Variants in HTR4 observed in about 807,000 individuals in gnomAD.
HTR4 encodes 5-hydroxytryptamine (serotonin) receptor 4, G protein-coupled.
HTR4 carries 16 observed loss-of-function variants against 36.8 expected under a neutral mutation model. The observed-to-expected ratio is 0.43, with a 90% CI of 0.29 to 0.66. HTR4 has a LOEUF of 0.66. Ranked by LOEUF, HTR4 falls within the 30% of genes least tolerant of loss-of-function variation. The pLI is 0.13. For synonymous variants in HTR4, 189 were observed against 185.1 expected, an observed-to-expected ratio of 1.02 and a Z score of -0.17; for missense variants, 438 against 490.9, an observed-to-expected ratio of 0.89 and a Z score of 1.02.
At chr5:148,526,136 G>A (rs1243178650) in intron 4 of HTR4, among the ~76,000 whole-genome samples, 1 of 152,148 alleles carries the variant, frequency 6.6e-6, no homozygotes, top group Non-Finnish European at 1.5e-5. Context: ...TTAGAGCAGT[G>A]AGACAACAAG....
intron 5 of HTR4, among the ~76,000 whole-genome samples, chr5:148,470,414 C>T (rs550661012): frequency 6.6e-6 from 1 of 152,302 alleles, no homozygotes; most frequent in African/African-American, 2.4e-5. Context: ...CAAATGCAGG[C>T]ATTCTGACTA....
chr5:148,586,384 T>C (rs1284987174), intron 2 of HTR4, among the ~76,000 whole-genome samples: 1 of 151,990 alleles, frequency 6.6e-6, no homozygotes, highest in African/African-American at 2.4e-5. Context: ...CTTTATAAGA[T>C]ACTAGATCCT....
chr5:148,626,146 A>C (rs910889415), intron 2 of HTR4, among the ~76,000 whole-genome samples: 1 of 152,190 alleles, frequency 6.6e-6, no homozygotes, highest in African/African-American at 2.4e-5. Flanking sequence ...GCAACCAAAG[A>C]AAATAACATT....
chr5:148,568,055 T>C (rs1282380745), intron 2 of HTR4, among the ~76,000 whole-genome samples: 1 of 152,176 alleles, frequency 6.6e-6, no homozygotes, highest in Non-Finnish European at 1.5e-5. Flanking sequence ...TGTGATTATT[T>C]ATCCACTTTA....
At chr5:148,620,691 T>C (rs1265373706) in intron 2 of HTR4, among the ~76,000 whole-genome samples, 1 of 152,250 alleles carries the variant, frequency 6.6e-6, no homozygotes, top group Non-Finnish European at 1.5e-5. Flanking sequence ...ACATAGTTGT[T>C]ACAAAATTTA....
rs150112380 is a variant in HTR4 at position 148,482,872 on chromosome 5, G to A, written c.*331C>T. ...CCGAGATAGGACGCAGCAAGCTATCGTGCTTAGAACGTGAGTGAGACAGAT... is the reference window on the plus strand; with the variant it reads ...CCGAGATAGGACGCAGCAAGCTATCATGCTTAGAACGTGAGTGAGACAGAT... On this transcript the variant is annotated 3_prime_UTR_variant, in exon 7 of 7. Coordinates refer to ENST00000377888, the MANE Select transcript of HTR4 (RefSeq NM_000870.7). 174 of 1,181,634 alleles carry A rather than the reference G, an allele frequency of 1.5e-4. No individual in the cohort carries two copies. Among genetic ancestry groups the A allele is most frequent in the Middle Eastern group, 1.4e-3 (4 of 2,760 alleles). The allele number at this position is 1,181,634 out of a possible 1,614,324, so 73.2% of individuals were successfully genotyped here. A position where few individuals can be genotyped will look rare whatever the true frequency, so the allele number is the denominator to read the frequency against.
chr5:148,469,670 C>G (rs892210933), intron 5 of HTR4, among the ~76,000 whole-genome samples: 2 of 152,212 alleles, frequency 1.3e-5, no homozygotes, highest in Non-Finnish European at 2.9e-5. Flanking sequence ...GTCCTGAGAC[C>G]AAATGGCTGG....
chr5:148,557,896 T>C (rs563105656), intron 2 of HTR4, among the ~76,000 whole-genome samples: 79 of 151,586 alleles, frequency 5.2e-4, no homozygotes, highest in Non-Finnish European at 9.6e-4. Context: ...GAGTACTTTT[T>C]CTCTTTATAT....
intron 5 of HTR4, among the ~76,000 whole-genome samples, chr5:148,517,586 G>A (rs1757814736): frequency 6.6e-6 from 1 of 151,420 alleles, no homozygotes; most frequent in African/African-American, 2.4e-5. Flanking sequence ...CCAAAATTTT[G>A]GGTCATGTTT....
intron 2 of HTR4, among the ~76,000 whole-genome samples, chr5:148,602,873 A>C (rs890417029): frequency 6.6e-6 from 1 of 152,138 alleles, no homozygotes; most frequent in African/African-American, 2.4e-5. Flanking sequence ...AATATCCATA[A>C]ATTTAAAATT....
chr5:148,455,550 C>T (rs533427882), intron 5 of HTR4, among the ~76,000 whole-genome samples: 1 of 152,204 alleles, frequency 6.6e-6, no homozygotes, highest in African/African-American at 2.4e-5. Context: ...AATGGAGTTT[C>T]CCTTTCTCCA....
intron 4 of HTR4, among the ~76,000 whole-genome samples, chr5:148,539,330 C>T (rs1006283496): frequency 5.3e-5 from 8 of 152,084 alleles, no homozygotes; most frequent in African/African-American, 1.2e-4. Context: ...GATTTCATTA[C>T]GAAGACACCA....
chr5:148,464,829 G>T (rs7735184), intron 5 of HTR4, among the ~76,000 whole-genome samples: 57,325 of 151,956 alleles, frequency 0.38, 11,857 homozygotes, highest in East Asian at 0.7. Flanking sequence ...AAGCAACCGA[G>T]AAATTTTTAG....
chr5:148,487,240 C>T (rs1307743785), intron 6 of HTR4, among the ~76,000 whole-genome samples: 1 of 152,112 alleles, frequency 6.6e-6, no homozygotes, highest in Non-Finnish European at 1.5e-5. Flanking sequence ...AGTGCTATAA[C>T]TTGGGTATTC....
rs150438303 is a variant in HTR4, at chr5:148,502,907, A to G, written c.1076+6549T>C. Among the ~76,000 whole-genome samples the G allele has an allele frequency of 8.3e-3, 1,261 of 152,324 alleles. 14 individuals carry two copies. Among genetic ancestry groups the G allele is most frequent in the African/African-American group, 0.029 (1,213 of 41,564 alleles). ...AAAGGGTATCAGTGATTGAAGATCA[A>G]ATGAATGAAATGAAGTGAGAAGAGA... On this transcript the variant is annotated intron_variant, in intron 6 of 6. Coordinates refer to ENST00000377888, the MANE Select transcript of HTR4 (RefSeq NM_000870.7).
chr5:148,469,908 C>A (rs1282965045), intron 5 of HTR4, among the ~76,000 whole-genome samples: 1 of 152,224 alleles, frequency 6.6e-6, no homozygotes, highest in Non-Finnish European at 1.5e-5. Context: ...CTCTTCCTGG[C>A]TCAGTATCTA....
At chr5:148,529,533 C>T (rs1216238618) in intron 4 of HTR4, among the ~76,000 whole-genome samples, 4 of 152,208 alleles carry the variant, frequency 2.6e-5, no homozygotes, top group Admixed American at 2.6e-4. Flanking sequence ...GTGAGGCTTC[C>T]CCATCCACAT....
In HTR4 at chr5:148,527,715, A is replaced by G. The variant is rs564490663; in HGVS notation, c.354-4369T>C. On this transcript the variant is annotated intron_variant, in intron 4 of 6. Transcript: ENST00000377888. ...CTGCAACCTCCGCCTCCCAGGCTCA[A>G]TTGATTCAGCTGCCTAGCTTCCTGA... Among the ~76,000 whole-genome samples the G allele has an allele frequency of 5.1e-4, 77 of 152,216 alleles. 1 individual carries two copies. Among genetic ancestry groups the G allele is most frequent in the African/African-American group, 1.4e-3 (60 of 41,536 alleles).
At chr5:148,620,800 A>G (rs1020535858) in intron 2 of HTR4, among the ~76,000 whole-genome samples, 2 of 152,182 alleles carry the variant, frequency 1.3e-5, no homozygotes, top group Non-Finnish European at 2.9e-5. Context: ...CTTCTGTGAT[A>G]TGATGATATT....
Sources: gnomAD v4.1 joint callset for allele counts (sites outside exome capture counted in the v4.1 genomes callset) on GRCh38, gnomAD v4.1.1 for gene constraint, MANE v1.5 for transcripts, NCBI Gene and HGNC (gene_info 2026-07-23, HGNC 2026-07-21) for gene names.